Variants in RBPMS observed in about 807,000 individuals in gnomAD.
The protein encoded by RBPMS is RNA binding protein, mRNA processing factor.
A neutral mutation model predicts 26.8 loss-of-function variants in RBPMS; 7 were observed. That is an observed-to-expected ratio of 0.26 (90% CI 0.15 to 0.49). The LOEUF (loss-of-function observed/expected upper bound fraction) is 0.49. RBPMS is among the 20% of genes least tolerant of loss of function. The probability of loss-of-function intolerance (pLI) is 0.98; values close to 1 mark genes in which losing one functional copy is unlikely to be tolerated. For synonymous variants in RBPMS, 96 were observed against 93.3 expected (o/e 1.03, Z -0.17); for missense variants, 186 against 250.0 (o/e 0.74, Z 1.73).
At chr8:30,430,887 C>T (rs887746466) in intron 1 of RBPMS, among the ~76,000 whole-genome samples, 1 of 152,106 alleles carries the variant, frequency 6.6e-6, no homozygotes, top group African/African-American at 2.4e-5. Context: ...AGGCACTATC[C>T]AAGTTGCTAA....
chr8:30,416,553 GC>G (rs1810100826), intron 1 of RBPMS, among the ~76,000 whole-genome samples: 1 of 152,038 alleles, frequency 6.6e-6, no homozygotes, highest in Non-Finnish European at 1.5e-5. Flanking sequence ...TACGACCTTG[GC>G]CCACTGCAAG....
intron 1 of RBPMS, among the ~76,000 whole-genome samples, chr8:30,460,785 G>A (rs953944178): frequency 7.2e-5 from 11 of 152,168 alleles, no homozygotes; most frequent in African/African-American, 2.7e-4. Context: ...AGCTGGGTGT[G>A]GTGGCTCACG....
intron 1 of RBPMS, among the ~76,000 whole-genome samples, chr8:30,425,474 C>A (rs1811248729): frequency 1.3e-5 from 2 of 152,096 alleles, no homozygotes; most frequent in Non-Finnish European, 2.9e-5. Context: ...GATCTTGACT[C>A]ACAACAACCT....
chr8:30,547,524 A>G (rs79618682), intron 6 of RBPMS: 2 of 1,491,638 alleles, frequency 1.3e-6, no homozygotes, highest in African/African-American at 1.4e-5. Context: ...AATGAACTCA[A>G]GTAGACTGCA....
At chr8:30,387,018 C>G (rs1262010089) in intron 1 of RBPMS, 1 of 152,128 alleles carries the variant, frequency 6.6e-6, no homozygotes, top group Non-Finnish European at 1.5e-5. Context: ...GCTCCTCCGT[C>G]CTTGTGAGGT....
At position 30,518,687 on chromosome 8, in the gene RBPMS, C is replaced by CTTT. The variant is rs58763494; in HGVS notation, c.397+14277_397+14279dup. Reference sequence around the variant, plus strand: ...CAGTGATCCGCCCGGCCAAGCATGACTTTTTTTTTTTTTTTTTTTTTTTTT... The same window carrying CTTT: ...CAGTGATCCGCCCGGCCAAGCATGACTTTTTTTTTTTTTTTTTTTTTTTTTTTT... On this transcript the variant is annotated intron_variant, in intron 5 of 8. Coordinates refer to ENST00000397323, the MANE Select transcript of RBPMS (RefSeq NM_001008710.3). Among the ~76,000 whole-genome samples the CTTT allele has an allele frequency of 6.4e-3, 116 of 18,244 alleles. 33 individuals are homozygous for CTTT. The highest frequency in any genetic ancestry group is 0.022 in the South Asian group (4 of 184). 12.0% of individuals were successfully genotyped at this position (18,244 alleles called of 152,430 possible). A position where few individuals can be genotyped will look rare whatever the true frequency, so the allele number is the denominator to read the frequency against.
intron 6 of RBPMS, among the ~76,000 whole-genome samples, chr8:30,551,526 G>A (rs933920346): frequency 6.6e-6 from 1 of 152,170 alleles, no homozygotes; most frequent in African/African-American, 2.4e-5. Flanking sequence ...TTGGTACACT[G>A]TTTTCCAGGT....
At chr8:30,531,994 C>G (rs183070670) in intron 5 of RBPMS, among the ~76,000 whole-genome samples, 8 of 152,212 alleles carry the variant, frequency 5.3e-5, no homozygotes, top group Non-Finnish European at 1.0e-4. Context: ...TTTTTTTGAG[C>G]AGATCACATT....
chr8:30,452,853 A>T (rs555708810), intron 1 of RBPMS, among the ~76,000 whole-genome samples: 1 of 152,336 alleles, frequency 6.6e-6, no homozygotes, highest in Admixed American at 6.5e-5. Flanking sequence ...TTTCACATTT[A>T]ATAGTTACTG....
intron 5 of RBPMS, among the ~76,000 whole-genome samples, chr8:30,542,671 G>A (rs1023352905): frequency 1.3e-4 from 20 of 152,222 alleles, no homozygotes; most frequent in Non-Finnish European, 2.2e-4. Context: ...TAGCCTGGTC[G>A]CTAAACAACA....
chr8:30,549,283 G>C (rs1310807970), intron 6 of RBPMS, among the ~76,000 whole-genome samples: 8 of 152,172 alleles, frequency 5.3e-5, no homozygotes, highest in Admixed American at 2.0e-4. Context: ...TTTAGCACTT[G>C]ACCCCTGACC....
chr8:30,525,406 G>A (rs1247727179), intron 5 of RBPMS, among the ~76,000 whole-genome samples: 2 of 152,142 alleles, frequency 1.3e-5, no homozygotes, highest in Non-Finnish European at 2.9e-5. Context: ...TAATCCTGTA[G>A]AAACTTTAGA....
chr8:30,458,203 A>T (rs1337700683), intron 1 of RBPMS, among the ~76,000 whole-genome samples: 1 of 151,994 alleles, frequency 6.6e-6, no homozygotes, highest in Non-Finnish European at 1.5e-5. Flanking sequence ...CTACAGATGC[A>T]TTTTTTTTCC....
intron 4 of RBPMS, among the ~76,000 whole-genome samples, chr8:30,498,434 T>G: frequency 6.6e-6 from 1 of 152,170 alleles, no homozygotes; most frequent in Non-Finnish European, 1.5e-5. Flanking sequence ...GGTAGAATAG[T>G]TTTTACTTGC....
At chr8:30,452,523 A>G (rs937065427) in intron 1 of RBPMS, among the ~76,000 whole-genome samples, 1 of 152,158 alleles carries the variant, frequency 6.6e-6, no homozygotes, top group Middle Eastern at 3.4e-3. Flanking sequence ...TATCTCTCCT[A>G]CCTCCACCCC....
chr8:30,490,654 T>G (rs191264191), intron 4 of RBPMS, among the ~76,000 whole-genome samples: 5 of 152,214 alleles, frequency 3.3e-5, no homozygotes, highest in African/African-American at 1.2e-4. Context: ...AGAGACAGGG[T>G]TTCACCATAC....
At chr8:30,446,840 T>TGCGCGCGC (rs1233126508) in intron 1 of RBPMS, 1 of 72,806 alleles carries the variant, frequency 1.4e-5, no homozygotes, top group African/African-American at 5.7e-5. Flanking sequence ...TGTGTGTGTG[T>TGCGCGCGC]GTGCGCGCGC....
intron 1 of RBPMS, among the ~76,000 whole-genome samples, chr8:30,432,037 A>G (rs1420084673): frequency 6.6e-6 from 1 of 152,038 alleles, no homozygotes; most frequent in Admixed American, 6.6e-5. Context: ...CTGAGGTGGG[A>G]GGATCACTTG....
intron 5 of RBPMS, among the ~76,000 whole-genome samples, chr8:30,510,986 G>A (rs1162609268): frequency 2.0e-5 from 3 of 151,948 alleles, no homozygotes; most frequent in Admixed American, 2.0e-4. Context: ...GAGATATAAA[G>A]TCAGGATTTC....
Sources: gnomAD v4.1 joint callset for allele counts (sites outside exome capture counted in the v4.1 genomes callset) on GRCh38, gnomAD v4.1.1 for gene constraint, MANE v1.5 for transcripts, NCBI Gene and HGNC (gene_info 2026-07-23, HGNC 2026-07-21) for gene names.